Variants in BAZ2B observed in about 807,000 individuals in gnomAD.
BAZ2B encodes bromodomain adjacent to zinc finger domain 2B.
In BAZ2B, 91 loss-of-function variants were observed where a neutral mutation model predicts 246.0. The observed-to-expected ratio is 0.37, with a 90% CI of 0.31 to 0.44. The LOEUF is 0.44. Ranked by LOEUF, BAZ2B falls within the 20% of genes least tolerant of loss-of-function variation. BAZ2B has a pLI of 1.00. For synonymous variants in BAZ2B, 855 were observed against 860.0 expected (o/e 0.99, Z 0.10); for missense variants, 2,332 against 2,533.7 (o/e 0.92, Z 1.71).
At chr2:159,338,577 A>G (rs1016153623) in intron 31 of BAZ2B, among the ~76,000 whole-genome samples, 3 of 152,168 alleles carry the variant, frequency 2.0e-5, no homozygotes, top group Admixed American at 2.0e-4. Context: ...AATCCTTCAA[A>G]GATTTCCTAT....
chr2:159,691,556 T>A, the BAZ2B span, among the ~76,000 whole-genome samples: 34 of 152,186 alleles, frequency 2.2e-4, no homozygotes, highest in African/African-American at 8.2e-4. Context: ...TTTACAGAAT[T>A]GCCTGTCTGA....
chr2:159,702,843 A>G, the BAZ2B span, among the ~76,000 whole-genome samples: 7 of 152,078 alleles, frequency 4.6e-5, no homozygotes, highest in African/African-American at 1.7e-4. Context: ...GATCGAGACC[A>G]TCCTGGCTAA....
intron 34 of BAZ2B, among the ~76,000 whole-genome samples, chr2:159,328,070 G>GAAAAAAAAAAAAAAAA (rs1306873341): frequency 2.0e-5 from 1 of 49,530 alleles, no homozygotes; most frequent in Non-Finnish European, 4.4e-5. Flanking sequence ...GCCTCAAAAC[G>GAAAAAAAAAAAAAAAA]AAAAAAAAAA....
chr2:159,545,833 A>G lies in BAZ2B; in HGVS notation c.-3+9990T>C, dbSNP rs370449335. The stretch of plus-strand genomic sequence containing the variant: ...TTAACCTATGTATAAACCCCTTATG[A>G]AGACAGAAAAAAGGTTTTGTGAAAC... On this transcript the variant is annotated intron_variant, in intron 2 of 36. Transcript: ENST00000392783. Among the ~76,000 whole-genome samples the G allele has an allele frequency of 1.2e-4, 19 of 152,346 alleles. No individual in the cohort carries two copies. The East Asian group carries it at 3.3e-3, about 26-fold the overall frequency.
At chr2:159,669,541 T>C in the BAZ2B span, among the ~76,000 whole-genome samples, 2 of 152,176 alleles carry the variant, frequency 1.3e-5, no homozygotes, top group Non-Finnish European at 2.9e-5. Context: ...TCTTCTACCA[T>C]GATCTCAATT....
chr2:159,599,745 G>T (rs1691641295), intron 1 of BAZ2B, among the ~76,000 whole-genome samples: 1 of 151,912 alleles, frequency 6.6e-6, no homozygotes, highest in African/African-American at 2.4e-5. Context: ...GGCCATCCTG[G>T]CTAACACGGT....
chr2:159,412,580 C>G, intron 13 of BAZ2B, 35 bp from the exon 14 acceptor site: 1 of 1,550,716 alleles, frequency 6.4e-7, no homozygotes, highest in Non-Finnish European at 8.8e-7. Flanking sequence ...TAATATATTA[C>G]AAACAAAATA....
chr2:159,393,601 T>C (rs1341118176), intron 20 of BAZ2B, among the ~76,000 whole-genome samples: 4 of 147,200 alleles, frequency 2.7e-5, no homozygotes, highest in Non-Finnish European at 6.1e-5. Flanking sequence ...GATTTGCCCA[T>C]GAGTATTCTG....
intron 33 of BAZ2B, 71 bp from the exon 34 acceptor site, chr2:159,332,757 A>G: frequency 6.6e-7 from 1 of 1,506,232 alleles, no homozygotes; most frequent in African/African-American, 1.4e-5. Context: ...TGTTAAACAC[A>G]CCATAATTCC....
chr2:159,496,569 G>T (rs191291177), intron 2 of BAZ2B, among the ~76,000 whole-genome samples: 28 of 149,106 alleles, frequency 1.9e-4, no homozygotes, highest in African/African-American at 6.6e-4. Flanking sequence ...GATCACCTGA[G>T]GTCGGGAGTT....
chr2:159,397,066 A>G, intron 19 of BAZ2B: 1 of 1,398,232 alleles, frequency 7.2e-7, no homozygotes, highest in Non-Finnish European at 9.5e-7. Context: ...AAATAAACAT[A>G]CCCATACCAT....
chr2:159,706,532 G>A, the BAZ2B span, among the ~76,000 whole-genome samples: 1 of 152,204 alleles, frequency 6.6e-6, no homozygotes, highest in South Asian at 2.1e-4. Context: ...CTCCGTGTGT[G>A]TGCGTGTGTG....
intron 2 of BAZ2B, among the ~76,000 whole-genome samples, chr2:159,548,008 A>C (rs1276969841): frequency 6.6e-6 from 1 of 152,232 alleles, no homozygotes; most frequent in African/African-American, 2.4e-5. Flanking sequence ...AAAACAGTAC[A>C]ACTTCTGAGA....
At chr2:159,321,522 C>T (rs981679146) in intron 36 of BAZ2B, among the ~76,000 whole-genome samples, 15 of 152,012 alleles carry the variant, frequency 9.9e-5, no homozygotes, top group South Asian at 4.1e-4. Flanking sequence ...CATCAACAGA[C>T]GAATGGATAA....
At chr2:159,448,431 C>G (rs768605184) in intron 4 of BAZ2B, 22 bp from the exon 5 acceptor site, 2 of 1,522,916 alleles carry the variant, frequency 1.3e-6, no homozygotes, top group South Asian at 2.6e-5. Flanking sequence ...ACAAACCAAC[C>G]AAACAAAAAT....
chr2:159,546,425 C>A (rs1233516478), intron 2 of BAZ2B, among the ~76,000 whole-genome samples: 3 of 150,228 alleles, frequency 2.0e-5, no homozygotes, highest in Non-Finnish European at 4.4e-5. Context: ...GTCCAATAAA[C>A]CTCTTTCTTT....
At chr2:159,470,885 T>C (rs1044883867) in intron 3 of BAZ2B, among the ~76,000 whole-genome samples, 6 of 152,128 alleles carry the variant, frequency 3.9e-5, no homozygotes, top group African/African-American at 1.4e-4. Context: ...ATGTAAAATG[T>C]ATATGTTCAG....
chr2:159,700,963 A>C, the BAZ2B span, among the ~76,000 whole-genome samples: 1 of 152,154 alleles, frequency 6.6e-6, no homozygotes, highest in Non-Finnish European at 1.5e-5. Context: ...ATTTATATTA[A>C]ATTCCTAGTT....
intron 2 of BAZ2B, among the ~76,000 whole-genome samples, chr2:159,494,589 C>CA (rs1277962458): frequency 3.3e-5 from 5 of 152,176 alleles, no homozygotes; most frequent in Non-Finnish European, 1.5e-5. Flanking sequence ...CTCTAGGGCT[C>CA]GGTGGCATAT....
Sources: allele counts gnomAD v4.1 joint callset (sites outside exome capture counted in the v4.1 genomes callset), GRCh38; gene constraint gnomAD v4.1.1; transcripts MANE v1.5; gene names NCBI Gene and HGNC (gene_info 2026-07-23, HGNC 2026-07-21).